Variants in KNTC1 observed in about 807,000 individuals in gnomAD.
KNTC1 encodes kinetochore-associated protein 1.
In KNTC1, 253 loss-of-function variants were observed where a neutral mutation model predicts 314.4. That is an observed-to-expected ratio of 0.80 (90% CI 0.73 to 0.89). KNTC1 has a LOEUF of 0.89. Among genes scored for constraint, KNTC1 ranks in the 40% least tolerant of loss-of-function variants. KNTC1 has a pLI of 0.00. For missense variants in KNTC1, 2,475 were observed against 2,572.9 expected (o/e 0.96, Z 0.82); for synonymous variants, 901 against 901.4 (o/e 1.00, Z 0.01).
chr12:122,619,200 G>C (rs1566022087), intron 59 of KNTC1, among the ~76,000 whole-genome samples: 1 of 149,986 alleles, frequency 6.7e-6, no homozygotes, highest in Admixed American at 6.7e-5. Flanking sequence ...TGGGATTACA[G>C]GCACGTGCCA....
At chr12:122,571,183 T>C in intron 24 of KNTC1, 57 bp downstream of exon 24, 3 of 1,286,714 alleles carry the variant, frequency 2.3e-6, no homozygotes, top group Non-Finnish European at 3.4e-6. Context: ...TGAAAGGGTT[T>C]GTCTGCATGT....
At chr12:122,597,466 C>G (rs1469101984) in intron 43 of KNTC1, 1 of 379,758 alleles carries the variant, frequency 2.6e-6, no homozygotes, top group Non-Finnish European at 5.0e-6. Flanking sequence ...CCAGGCTGGT[C>G]TCAAACTCCT....
intron 7 of KNTC1, 83 bp downstream of exon 7, chr12:122,543,717 C>A: frequency 1.3e-6 from 1 of 774,178 alleles, no homozygotes; most frequent in Non-Finnish European, 2.0e-6. Flanking sequence ...TATAATTGGT[C>A]TACTTCTTGA....
chr12:122,551,705 T>C lies in KNTC1; in HGVS notation c.1272+9T>C. The C allele has an allele frequency of 3.8e-6, 6 of 1,596,582 alleles. No homozygotes were observed. Among genetic ancestry groups the C allele is most frequent in the Middle Eastern group, 1.7e-4 (1 of 6,022 alleles). On this transcript the variant is annotated intron_variant, in intron 16 of 63. Coordinates refer to ENST00000333479, the MANE Select transcript of KNTC1 (RefSeq NM_014708.6). ...TTGGACTAGATGTTGAGGTAATCAT[T>C]CATGTATTCATTTGTTCACCAAACA...
intron 34 of KNTC1, among the ~76,000 whole-genome samples, chr12:122,583,687 G>A (rs1868779136): frequency 6.6e-6 from 1 of 152,104 alleles, no homozygotes; most frequent in South Asian, 2.1e-4. Flanking sequence ...TTAGTCGGGT[G>A]TGGTGGTGGG....
Position 122,570,914 on chromosome 12 carries a change from C to T in KNTC1, c.1899C>T (p.Asn633=). The T allele has an allele frequency of 6.4e-7, 1 of 1,567,272 alleles. No homozygotes were observed. Among genetic ancestry groups the T allele is most frequent in the East Asian group, 2.3e-5 (1 of 42,884 alleles). The change falls in exon 23 of 64, where the codon AAC becomes AAT. Residue 633 remains asparagine, a synonymous_variant. Transcript: ENST00000333479. ...LAKWLEQAAR[N]LELTDKANWP... ...AATGGTTGGAACAAGCAGCCAGGAACCTTGAATTAACTGATAAGGTAATAC... is the reference window on the plus strand; with the variant it reads ...AATGGTTGGAACAAGCAGCCAGGAATCTTGAATTAACTGATAAGGTAATAC...
intron 60 of KNTC1, among the ~76,000 whole-genome samples, chr12:122,621,362 T>C (rs1874413149): frequency 6.6e-6 from 1 of 152,208 alleles, no homozygotes; most frequent in Admixed American, 6.6e-5. Flanking sequence ...TGTTTGTTTT[T>C]TGTGTTTTGT....
intron 6 of KNTC1, among the ~76,000 whole-genome samples, chr12:122,542,970 T>A (rs1160355630): frequency 2.6e-5 from 4 of 152,098 alleles, no homozygotes; most frequent in Non-Finnish European, 5.9e-5. Flanking sequence ...TGGAGTACAG[T>A]GGTATGATAT....
chr12:122,613,878 T>C (rs1873460290), intron 55 of KNTC1, 117 bp downstream of exon 55: 1 of 1,086,816 alleles, frequency 9.2e-7, no homozygotes, highest in African/African-American at 1.6e-5. Context: ...TTTTGCTCTG[T>C]TGCCCAGGCT....
Position 122,606,118 on chromosome 12 carries a change from T to A in KNTC1, c.5496+703T>A, listed in dbSNP as rs140677226. 3.1e-3 allele frequency among the ~76,000 whole-genome samples: 471 copies of A among 151,474 alleles called. 7 individuals are homozygous for A. The highest frequency in any genetic ancestry group is 5.5e-3 in the Non-Finnish European group (371 of 67,786). ...CCTCAAGTGATCCTCCCGCCTCGAT[T>A]TCCCAAAATGCTGGGATTACAGGCA... On this transcript the variant is annotated intron_variant, in intron 51 of 63. Transcript: ENST00000333479.
chr12:122,613,645 A>G lies in KNTC1; in HGVS notation c.5761A>G (p.Thr1921Ala), dbSNP rs1318660800. The change falls in exon 55 of 64, where the codon ACT becomes GCT. Residue 1921 changes from threonine (T) to alanine (A), a missense_variant. Thr to Ala is a moderately conservative substitution (Grantham distance 58). Transcript: ENST00000333479. Reference protein sequence around the residue: ...EEVKSYLRCITFLASFETLNI... With the variant: ...EEVKSYLRCIAFLASFETLNI... ...TTCCAGATCTTATTTGAGATGTATA[A>G]CTTTTCTGGCATCATTTGAGACTTT... 2 of 1,609,580 alleles carry G rather than the reference A, an allele frequency of 1.2e-6. No homozygotes were observed. The highest frequency in any genetic ancestry group is 3.4e-5 in the Admixed American group (2 of 58,932).
intron 2 of KNTC1, among the ~76,000 whole-genome samples, chr12:122,532,613 G>A (rs1961451265): frequency 6.6e-6 from 1 of 152,056 alleles, no homozygotes; most frequent in Admixed American, 6.6e-5. Flanking sequence ...ATAGAATCTT[G>A]GATTCTGGTA....
At chr12:122,603,735 C>T (rs1161447861) in intron 48 of KNTC1, among the ~76,000 whole-genome samples, 1 of 152,136 alleles carries the variant, frequency 6.6e-6, no homozygotes, top group Non-Finnish European at 1.5e-5. Flanking sequence ...TTGTGATCCG[C>T]CCGCCTCGGC....
Position 122,575,864 on chromosome 12 carries a change from A to G in KNTC1, c.2551A>G (p.Ile851Val), listed in dbSNP as rs763131992. Residue 851 changes from isoleucine (I) to valine (V), a missense_variant, in exon 29 of 64, where the codon ATA (isoleucine) becomes GTA (valine). Coordinates refer to ENST00000333479, the MANE Select transcript of KNTC1 (RefSeq NM_014708.6). ...EMKKLLRGYG[I>V]REVNLLNKEI... Reference sequence around the variant, plus strand: ...GAAAAAACTTTTACGAGGCTATGGAATAAGAGAGGTAAATCTCTTAAACAA... The same window carrying G: ...GAAAAAACTTTTACGAGGCTATGGAGTAAGAGAGGTAAATCTCTTAAACAA... The G allele has an allele frequency of 9.3e-6, 15 of 1,613,156 alleles. No individual in the cohort carries two copies. The highest frequency in any genetic ancestry group is 1.3e-5 in the Non-Finnish European group (15 of 1,179,658).
At chr12:122,587,047 C>T (rs778669209) in intron 38 of KNTC1, among the ~76,000 whole-genome samples, 3 of 151,928 alleles carry the variant, frequency 2.0e-5, no homozygotes, top group African/African-American at 4.8e-5. Flanking sequence ...GAACTCCTGA[C>T]GTCAGGTGAT....
At chr12:122,608,794 A>G (rs1012539843) in intron 51 of KNTC1, among the ~76,000 whole-genome samples, 4 of 152,154 alleles carry the variant, frequency 2.6e-5, no homozygotes, top group Admixed American at 6.6e-5. Flanking sequence ...AAGGTAGCTC[A>G]TGACTGTAAT....
intron 27 of KNTC1, 111 bp from the exon 28 acceptor site, chr12:122,575,432 T>C: frequency 1.4e-6 from 1 of 699,736 alleles, no homozygotes; most frequent in South Asian, 1.6e-5. Context: ...GATGAAATAT[T>C]CTCAAACTAC....
At position 122,600,552 on chromosome 12, in the gene KNTC1, C is replaced by T. The variant is rs543625997; in HGVS notation, c.4564-984C>T. ...TCATTTCTAAGAAAAGGATCAGTTT[C>T]TTTCTGTTCCAATTTTCCCATCGTA... On this transcript the variant is annotated intron_variant, in intron 44 of 63. Coordinates refer to ENST00000333479, the MANE Select transcript of KNTC1 (RefSeq NM_014708.6). 3.5e-4 allele frequency among the ~76,000 whole-genome samples: 54 copies of T among 152,312 alleles called. No homozygotes were observed. In the East Asian group the frequency reaches 0.01, roughly 29 times the overall value.
rs1875047256 is a variant in KNTC1 at position 122,626,319 on chromosome 12, C to T, written c.*91C>T. The T allele has an allele frequency of 1.2e-6, 1 of 848,058 alleles. No homozygotes were observed. The highest frequency in any genetic ancestry group is 2.3e-5 in the Admixed American group (1 of 43,478). The allele number at this position is 848,058 out of a possible 1,614,324, so 52.5% of individuals were successfully genotyped here. A position where few individuals can be genotyped will look rare whatever the true frequency, so the allele number is the denominator to read the frequency against. ...TTACAGTTTTTAAATTGTACAATCT[C>T]TGTATTATAGCTATTTGTCTAACAT... On this transcript the variant is annotated 3_prime_UTR_variant, in exon 64 of 64. Transcript: ENST00000333479.
Sources: allele counts gnomAD v4.1 joint callset (sites outside exome capture counted in the v4.1 genomes callset), GRCh38; gene constraint gnomAD v4.1.1; transcripts MANE v1.5; gene names NCBI Gene and HGNC (gene_info 2026-07-23, HGNC 2026-07-21).